Variants in ZNF738 observed in about 807,000 individuals in gnomAD.
ZNF738 encodes protein ZNF738.
A neutral mutation model predicts 9.2 loss-of-function variants in ZNF738; 10 were observed. The observed-to-expected ratio is 1.09, with a 90% CI of 0.67 to 1.85. The LOEUF is 1.85. ZNF738 is among the 40% of genes most tolerant of loss of function. ZNF738 has a pLI of 0.00. For synonymous variants in ZNF738, 113 were observed against 94.5 expected, an observed-to-expected ratio of 1.20 and a Z score of -1.14; for missense variants, 346 against 283.6, an observed-to-expected ratio of 1.22 and a Z score of -1.58.
In ZNF738 at chr19:21,365,211, T is replaced by C. The variant is rs138735370; in HGVS notation, c.96+3353T>C. On this transcript the variant is annotated intron_variant, in intron 2 of 4. Transcript: ENST00000683779. ...GAGGATGAGCAGAGGTCACACTCAT[T>C]GCCATCTTGGTTTTGTTGGGTTTTA... Among the ~76,000 whole-genome samples, 16 of 152,234 alleles carry C rather than the reference T, an allele frequency of 1.1e-4. No individual in the cohort carries two copies. In the East Asian group the frequency reaches 3.1e-3, roughly 29 times the overall value.
At chr19:21,381,399 C>A in intron 4 of ZNF738, 1 of 1,527,910 alleles carries the variant, frequency 6.5e-7, no homozygotes, top group Non-Finnish European at 9.1e-7. Context: ...TCAGAATCTC[C>A]TTTTGTCTTT....
At position 21,384,008 on chromosome 19, in the gene ZNF738, ATG is replaced by A; in HGVS notation, c.*337_*338del. The A allele has an allele frequency of 6.6e-7, 1 of 1,504,340 alleles. No individual in the cohort carries two copies. The highest frequency in any genetic ancestry group is 9.2e-7 in the Non-Finnish European group (1 of 1,084,428). 93.2% of individuals were successfully genotyped at this position (1,504,340 alleles called of 1,614,324 possible). On this transcript the variant is annotated 3_prime_UTR_variant, in exon 5 of 5. Coordinates refer to ENST00000683779, the MANE Select transcript of ZNF738 (RefSeq NM_001355237.2). ...GAGAGAAACCCTACAAATGTGAAGAATGTGGCAAAGCTTTCTACCGATTCATT... is the reference window on the plus strand; with the variant it reads ...GAGAGAAACCCTACAAATGTGAAGAATGGCAAAGCTTTCTACCGATTCATT...
intron 2 of ZNF738, among the ~76,000 whole-genome samples, chr19:21,363,750 G>A (rs567476682): frequency 2.6e-5 from 4 of 151,430 alleles, no homozygotes; most frequent in Admixed American, 6.6e-5. Context: ...TTAACTGGGC[G>A]TGGTGATGGG....
intron 2 of ZNF738, among the ~76,000 whole-genome samples, chr19:21,371,031 A>G (rs1317058498): frequency 2.6e-5 from 4 of 152,182 alleles, no homozygotes; most frequent in African/African-American, 9.7e-5. Context: ...TCCTGGTGTA[A>G]ATAGAATCTG....
rs1263213075 is a variant in ZNF738, at chr19:21,388,129, T to C, written c.*4455T>C. On this transcript the variant is annotated 3_prime_UTR_variant, in exon 5 of 5. Transcript: ENST00000683779. ...TATAGAAAATAATCTAAAACTAAAGTTGATAGAAAAAGTATTTGTATATAA... is the reference window on the plus strand; with the variant it reads ...TATAGAAAATAATCTAAAACTAAAGCTGATAGAAAAAGTATTTGTATATAA... Among the ~76,000 whole-genome samples, 5 of 152,116 alleles carry C rather than the reference T, an allele frequency of 3.3e-5. No homozygotes were observed. The highest frequency in any genetic ancestry group is 1.2e-4 in the African/African-American group (5 of 41,438).
chr19:21,383,353 T>C lies in ZNF738; in HGVS notation c.807T>C (p.Phe269=). The part of the protein sequence containing the change: ...SYKHEECGKG[F]NHSTTLTRHK... ...AACATGAAGAATGTGGAAAAGGTTT[T>C]AACCACTCCACAACTCTTACTAGAC... The change falls in exon 5 of 5, where the codon TTT becomes TTC. Residue 269 remains phenylalanine, a synonymous_variant. Coordinates refer to ENST00000683779, the MANE Select transcript of ZNF738 (RefSeq NM_001355237.2). 1 of 1,190,406 alleles carries C rather than the reference T, an allele frequency of 8.4e-7. No individual in the cohort carries two copies. The highest frequency in any genetic ancestry group is 1.2e-6 in the Non-Finnish European group (1 of 818,292). The allele number at this position is 1,190,406 out of a possible 1,614,324, so 73.7% of individuals were successfully genotyped here. A position where few individuals can be genotyped will look rare whatever the true frequency, so the allele number is the denominator to read the frequency against.
intron 4 of ZNF738, among the ~76,000 whole-genome samples, chr19:21,379,989 C>CT (rs879149920): frequency 2.0e-4 from 30 of 152,062 alleles, no homozygotes; most frequent in South Asian, 6.2e-4. Context: ...AAATCAGTAA[C>CT]TAAGTAACAA....
At chr19:21,377,221 C>T (rs1464697305) in intron 4 of ZNF738, among the ~76,000 whole-genome samples, 1 of 151,884 alleles carries the variant, frequency 6.6e-6, no homozygotes, top group Non-Finnish European at 1.5e-5. Flanking sequence ...GCAGAAGAAT[C>T]GCTTGAACCC....
At chr19:21,369,050 A>G (rs10410362) in intron 2 of ZNF738, among the ~76,000 whole-genome samples, 5,576 of 152,056 alleles carry the variant, frequency 0.037, 331 homozygotes, top group African/African-American at 0.12. Flanking sequence ...GTGTTTTTAT[A>G]TGGCCACATG....
chr19:21,362,097 GATAATAATAATAATA>G (rs55672173), intron 2 of ZNF738, among the ~76,000 whole-genome samples: 28 of 148,096 alleles, frequency 1.9e-4, no homozygotes, highest in African/African-American at 3.5e-4. Flanking sequence ...TAATAATAAT[GATAATAATAATAATA>G]ATAATAATAA....
intron 2 of ZNF738, among the ~76,000 whole-genome samples, chr19:21,374,651 C>CT (rs1409393181): frequency 6.6e-6 from 1 of 152,100 alleles, no homozygotes; most frequent in Non-Finnish European, 1.5e-5. Context: ...TTGCATATGT[C>CT]TATCTTTAGA....
chr19:21,365,314 T>G (rs1184770396), intron 2 of ZNF738, among the ~76,000 whole-genome samples: 1 of 152,140 alleles, frequency 6.6e-6, no homozygotes, highest in Non-Finnish European at 1.5e-5. Context: ...TATCTTATCC[T>G]GTGACTTAGA....
intron 2 of ZNF738, among the ~76,000 whole-genome samples, chr19:21,368,286 T>G (rs187571328): frequency 6.6e-6 from 1 of 152,008 alleles, no homozygotes; most frequent in Non-Finnish European, 1.5e-5. Flanking sequence ...CTGTTCCTTC[T>G]TTATGTCCAT....
chr19:21,372,406 C>T (rs1659946556), intron 2 of ZNF738: 1 of 152,130 alleles, frequency 6.6e-6, no homozygotes, highest in African/African-American at 2.4e-5. Context: ...GGAGTGTTCC[C>T]TTACAAAACT....
rs181259075 is a variant in ZNF738, at chr19:21,381,562, C to T, written c.320-1304C>T. ...AGGCTGCAGTGCAGTGGCGTGATCT[C>T]AGCTCACTGCAAGCTCCGTCTCCCG... is the stretch of plus-strand genomic sequence containing the variant. On this transcript the variant is annotated intron_variant, in intron 4 of 4. Transcript: ENST00000683779. 5,688 of 652,248 alleles carry T rather than the reference C, an allele frequency of 8.7e-3. 112 individuals carry two copies. The highest frequency in any genetic ancestry group is 6.0e-3 in the Non-Finnish European group (2,156 of 362,204). 40.4% of individuals were successfully genotyped at this position (652,248 alleles called of 1,614,324 possible). A position where few individuals can be genotyped will look rare whatever the true frequency, so the allele number is the denominator to read the frequency against.
chr19:21,371,035 GAATCT>G (rs1973849541), intron 2 of ZNF738, among the ~76,000 whole-genome samples: 1 of 152,166 alleles, frequency 6.6e-6, no homozygotes, highest in Admixed American at 6.5e-5. Context: ...GGTGTAAATA[GAATCT>G]GATGATAGAA....
chr19:21,383,181 C>T lies in ZNF738; in HGVS notation c.635C>T (p.Ser212Leu). ...TTCAAATGTAAAAAATGTGGCAAAT[C>T]ATTTTGCATGCTTTTACACCTAGGT... is the stretch of plus-strand genomic sequence containing the variant. ...KPFKCKKCGK[S>L]FCMLLHLGQH... The change falls in exon 5 of 5, where the codon TCA becomes TTA. Residue 212 changes from serine to leucine, a missense_variant. Transcript: ENST00000683779. 1 of 1,600,906 alleles carries T rather than the reference C, an allele frequency of 6.2e-7. No homozygotes were observed. The highest frequency in any genetic ancestry group is 8.6e-7 in the Non-Finnish European group (1 of 1,169,388).
rs1043374268 is a variant in ZNF738 at position 21,384,721 on chromosome 19, A to C, written c.*1047A>C. ...AACCAGTCCTCAACTCTTACTAGAC[A>C]TAAGAGAGTTCATACTGGAGAGAAA... On this transcript the variant is annotated 3_prime_UTR_variant, in exon 5 of 5. Coordinates refer to ENST00000683779, the MANE Select transcript of ZNF738 (RefSeq NM_001355237.2). Among the ~76,000 whole-genome samples, 1 of 152,240 alleles carries C rather than the reference A, an allele frequency of 6.6e-6. No homozygotes were observed. Among genetic ancestry groups the C allele is most frequent in the South Asian group, 2.1e-4 (1 of 4,838 alleles).
chr19:21,383,510 G>C lies in ZNF738; in HGVS notation c.964G>C (p.Gly322Arg). Residue 322 changes from glycine to arginine, a missense_variant, in exon 5 of 5, where the codon GGC (glycine) becomes CGC (arginine). By Grantham distance (125) the Gly-to-Arg change is moderately radical (BLOSUM62 -2). Transcript: ENST00000683779. Reference protein sequence around the residue: ...GEKPYKCEGCGKAFCQFSYLT... With the variant: ...GEKPYKCEGCRKAFCQFSYLT... ...GAAACCCTACAAATGTGAAGGATGT[G>C]GCAAAGCTTTCTGCCAATTCTCATA... The C allele has an allele frequency of 1.1e-6, 1 of 887,062 alleles. No individual in the cohort carries two copies. Among genetic ancestry groups the C allele is most frequent in the Non-Finnish European group, 1.9e-6 (1 of 535,400 alleles). 54.9% of individuals were successfully genotyped at this position (887,062 alleles called of 1,614,324 possible).
Sources: allele counts gnomAD v4.1 joint callset (sites outside exome capture counted in the v4.1 genomes callset), GRCh38; gene constraint gnomAD v4.1.1; transcripts MANE v1.5; gene names NCBI Gene and HGNC (gene_info 2026-07-23, HGNC 2026-07-21).